DNM1L: variants seen among roughly 807,000 people sequenced by gnomAD.
DNM1L encodes the protein dynamin-1-like protein.
Under a neutral mutation model 92.8 loss-of-function variants are expected in DNM1L, and 33 were observed. The ratio of observed to expected loss-of-function variants is 0.36; its 90% CI spans 0.27 to 0.48. The LOEUF (loss-of-function observed/expected upper bound fraction) is 0.48. Ranked by LOEUF, DNM1L falls within the 20% of genes least tolerant of loss-of-function variation. The pLI, the probability that DNM1L is intolerant of heterozygous loss-of-function variation, is 0.99. For synonymous variants in DNM1L, 284 were observed against 305.0 expected (o/e 0.93, Z 0.72); for missense variants, 485 against 888.8 (o/e 0.55, Z 5.78).
chr12:32,722,119 C>T (rs1245680276), intron 8 of DNM1L, among the ~76,000 whole-genome samples: 2 of 152,094 alleles, frequency 1.3e-5, no homozygotes, highest in Admixed American at 6.6e-5. Context: ...TGTTTGGCCT[C>T]TCTCCTCTCT....
chr12:32,689,896 AAAAC>A (rs1336046615), intron 1 of DNM1L, among the ~76,000 whole-genome samples: 4 of 152,238 alleles, frequency 2.6e-5, no homozygotes, highest in Non-Finnish European at 5.9e-5. Context: ...GGAAGAAACT[AAAAC>A]TAAAAGATGA....
chr12:32,743,684 CTGTTAA>C lies in DNM1L; in HGVS notation c.*279_*284del, dbSNP rs1955472041. 2.2e-6 allele frequency: 1 copy of C among 457,934 alleles called. No individual in the cohort carries two copies. The highest frequency in any genetic ancestry group is 2.0e-5 in the African/African-American group (1 of 50,876). The allele number at this position is 457,934 out of a possible 1,614,324, so 28.4% of individuals were successfully genotyped here. A position where few individuals can be genotyped will look rare whatever the true frequency, so the allele number is the denominator to read the frequency against. Reference sequence around the variant, plus strand: ...TCATCTGAACTTAACTTAAAAACAACTGTTAATGTTCTAGTTGTGCAAAGCAGTTTG... The same window carrying C: ...TCATCTGAACTTAACTTAAAAACAACTGTTCTAGTTGTGCAAAGCAGTTTG... On this transcript the variant is annotated 3_prime_UTR_variant, in exon 20 of 20. Coordinates refer to ENST00000549701, the MANE Select transcript of DNM1L (RefSeq NM_012062.5).
At chr12:32,679,862 C>G in intron 1 of DNM1L, 1 of 994,410 alleles carries the variant, frequency 1.0e-6, no homozygotes, top group South Asian at 4.7e-5. Context: ...TCGCTGGGCT[C>G]GGTGGGCTGG....
At chr12:32,726,559 C>A in intron 9 of DNM1L, 1 of 1,208,752 alleles carries the variant, frequency 8.3e-7, no homozygotes, top group South Asian at 1.3e-5. Flanking sequence ...ATTGTATGCT[C>A]ACGTAAAAAG....
In DNM1L at chr12:32,710,766, A is replaced by G. The variant is rs12816245; in HGVS notation, c.370-163A>G. On this transcript the variant is annotated intron_variant, in intron 4 of 19. Coordinates refer to ENST00000549701, the MANE Select transcript of DNM1L (RefSeq NM_012062.5). ...TTATAACCTGTTAATATGGCTGGCT[A>G]CCTGACTTCCCATGTGTTTCATCAG... Among the ~76,000 whole-genome samples, 4,396 of 152,284 alleles carry G rather than the reference A, an allele frequency of 0.029. 112 individuals carry two copies. The highest frequency in any genetic ancestry group is 0.058 in the Middle Eastern group (17 of 294).
intron 16 of DNM1L, among the ~76,000 whole-genome samples, chr12:32,739,530 TTTTG>T (rs1252374051): frequency 6.6e-6 from 1 of 152,214 alleles, no homozygotes; most frequent in Non-Finnish European, 1.5e-5. Flanking sequence ...TAGTCTTGCT[TTTTG>T]TTAAAGAGTT....
intron 1 of DNM1L, among the ~76,000 whole-genome samples, chr12:32,696,383 AACACAC>A (rs58224525): frequency 0.013 from 1,851 of 145,084 alleles, 24 homozygotes; most frequent in African/African-American, 0.04. Context: ...CACACACACA[AACACAC>A]ACACACACAC....
chr12:32,722,636 AAGT>A lies in DNM1L; in HGVS notation c.1079+5_1079+7del, dbSNP rs1391569192. ...AAATATATTGAAACTTCGGAGCTGT[AAGT>A]AAGAAATTTTTCTGTAGATTTGGTT... On this transcript the variant is annotated splice_donor_5th_base_variant and intron_variant, in intron 9 of 19. Coordinates refer to ENST00000549701, the MANE Select transcript of DNM1L (RefSeq NM_012062.5). 6.2e-7 allele frequency: 1 copy of A among 1,610,090 alleles called. No individual in the cohort carries two copies. The highest frequency in any genetic ancestry group is 8.5e-7 in the Non-Finnish European group (1 of 1,178,568).
intron 5 of DNM1L, among the ~76,000 whole-genome samples, chr12:32,712,372 A>C (rs749092150): frequency 6.6e-6 from 1 of 152,052 alleles, no homozygotes; most frequent in African/African-American, 2.4e-5. Flanking sequence ...AGATGTCTGT[A>C]TGTTATTGCT....
intron 2 of DNM1L, among the ~76,000 whole-genome samples, chr12:32,703,876 CTG>C (rs988817463): frequency 8.5e-5 from 13 of 152,202 alleles, no homozygotes; most frequent in African/African-American, 9.7e-5. Context: ...ATTCTGTCAA[CTG>C]TGGGATAACT....
At chr12:32,686,444 AACT>A (rs1205990017) in intron 1 of DNM1L, among the ~76,000 whole-genome samples, 1 of 123,728 alleles carries the variant, frequency 8.1e-6, no homozygotes, top group Non-Finnish European at 1.6e-5. Context: ...CACGAAAGAA[AACT>A]ACTATTGAGC....
chr12:32,694,269 T>A (rs1269346469), intron 1 of DNM1L, among the ~76,000 whole-genome samples: 3 of 151,660 alleles, frequency 2.0e-5, no homozygotes, highest in South Asian at 2.1e-4. Flanking sequence ...TATTTTTAGT[T>A]GAGATGGGGT....
intron 1 of DNM1L, 42 bp downstream of exon 1, chr12:32,679,507 C>T: frequency 6.4e-7 from 1 of 1,570,026 alleles, no homozygotes; most frequent in Non-Finnish European, 8.7e-7. Flanking sequence ...AGACCCCGGC[C>T]GCAGGCCTGG....
At position 32,691,864 on chromosome 12, in the gene DNM1L, G is replaced by A. The variant is rs61926202; in HGVS notation, c.103-9551G>A. On this transcript the variant is annotated intron_variant, in intron 1 of 19. Transcript: ENST00000549701. ...CAGAGCTGAAGTACGACATCTTCAG[G>A]TCTCAATTGCTGCACATAAATATTG... is the stretch of plus-strand genomic sequence containing the variant. Among the ~76,000 whole-genome samples, 1,426 of 152,096 alleles carry A rather than the reference G, an allele frequency of 9.4e-3. 10 individuals are homozygous for A. Among genetic ancestry groups the A allele is most frequent in the Middle Eastern group, 0.02 (6 of 294 alleles).
At chr12:32,699,122 T>C (rs975800814) in intron 1 of DNM1L, among the ~76,000 whole-genome samples, 11 of 152,114 alleles carry the variant, frequency 7.2e-5, no homozygotes, top group Admixed American at 7.2e-4. Context: ...GAGTGGAGTA[T>C]CATGATTTCT....
At chr12:32,681,541 TAG>T (rs1951804053) in intron 1 of DNM1L, among the ~76,000 whole-genome samples, 1 of 139,600 alleles carries the variant, frequency 7.2e-6, no homozygotes, top group Admixed American at 7.0e-5. Flanking sequence ...AGAGAGAGAA[TAG>T]AAACTATTTT....
chr12:32,732,967 A>T (rs889811518), intron 12 of DNM1L, among the ~76,000 whole-genome samples: 48 of 152,228 alleles, frequency 3.2e-4, no homozygotes, highest in Middle Eastern at 3.4e-3. Flanking sequence ...GTGGTGGTGC[A>T]TGCCTGTAAT....
chr12:32,718,076 T>C (rs1162517367), intron 6 of DNM1L, among the ~76,000 whole-genome samples: 2 of 135,654 alleles, frequency 1.5e-5, no homozygotes, highest in African/African-American at 5.5e-5. Flanking sequence ...ATATATATAC[T>C]ATACATATTT....
chr12:32,732,160 CATT>C (rs757786174), intron 12 of DNM1L, among the ~76,000 whole-genome samples: 9 of 152,018 alleles, frequency 5.9e-5, no homozygotes, highest in Admixed American at 5.9e-4. Context: ...ATATTTTAAT[CATT>C]GTTAGCCTGC....
Sources: allele counts gnomAD v4.1 joint callset (sites outside exome capture counted in the v4.1 genomes callset), GRCh38; gene constraint gnomAD v4.1.1; transcripts MANE v1.5; gene names NCBI Gene and HGNC (gene_info 2026-07-23, HGNC 2026-07-21).